Variants in LGSN observed in about 807,000 individuals in gnomAD.
LGSN encodes lengsin.
In LGSN, 21 loss-of-function variants were observed where a neutral mutation model predicts 19.5. The observed-to-expected ratio is 1.07, with a 90% CI of 0.76 to 1.55. The LOEUF (loss-of-function observed/expected upper bound fraction) is 1.55, where lower values mean the gene tolerates loss of function less well. Ranked by LOEUF, LGSN falls within the 40% of genes most tolerant of loss-of-function variation. LGSN has a pLI of 0.00. For missense variants in LGSN, 673 were observed against 608.5 expected, an observed-to-expected ratio of 1.11 and a Z score of -1.12; for synonymous variants, 257 against 215.6, an observed-to-expected ratio of 1.19 and a Z score of -1.68.
chr6:63,327,261 A>G, the LGSN span, among the ~76,000 whole-genome samples: 54 of 152,296 alleles, frequency 3.5e-4, no homozygotes, highest in South Asian at 6.2e-3. Flanking sequence ...CCTCGATTCT[A>G]GAGGAAACAA....
At chr6:63,469,154 A>G in the LGSN span, among the ~76,000 whole-genome samples, 12 of 152,170 alleles carry the variant, frequency 7.9e-5, no homozygotes, top group African/African-American at 2.2e-4. Context: ...CTTTGCCCCA[A>G]TAGTACTTTT....
chr6:63,444,078 A>G, the LGSN span, among the ~76,000 whole-genome samples: 3 of 152,188 alleles, frequency 2.0e-5, no homozygotes, highest in Non-Finnish European at 2.9e-5. Flanking sequence ...AGAATTTTTT[A>G]TCATCTAGAA....
At chr6:63,446,859 G>C in the LGSN span, among the ~76,000 whole-genome samples, 1 of 152,180 alleles carries the variant, frequency 6.6e-6, no homozygotes, top group East Asian at 1.9e-4. Context: ...AGACCAGCCT[G>C]CCCAACTTGG....
the LGSN span, among the ~76,000 whole-genome samples, chr6:63,485,023 TG>T: frequency 6.6e-6 from 1 of 152,204 alleles, no homozygotes; most frequent in African/African-American, 2.4e-5. Flanking sequence ...AGACACTATT[TG>T]TTTTTTTTAG....
At chr6:63,342,103 C>T in the LGSN span, among the ~76,000 whole-genome samples, 12 of 152,308 alleles carry the variant, frequency 7.9e-5, no homozygotes, top group East Asian at 2.1e-3. Context: ...ATGGGTCAAG[C>T]TACATCACCC....
chr6:63,498,749 G>A, the LGSN span, among the ~76,000 whole-genome samples: 3 of 152,068 alleles, frequency 2.0e-5, no homozygotes, highest in Non-Finnish European at 4.4e-5. Context: ...AGTTCATGTG[G>A]GTAGGGAATG....
intron 2 of LGSN, among the ~76,000 whole-genome samples, chr6:63,292,333 C>G (rs1452069633): frequency 6.6e-6 from 1 of 152,190 alleles, no homozygotes; most frequent in Non-Finnish European, 1.5e-5. Context: ...TTTCCAGGCT[C>G]TAGCTCTTCC....
chr6:63,554,491 T>C, the LGSN span, among the ~76,000 whole-genome samples: 8 of 152,180 alleles, frequency 5.3e-5, no homozygotes, highest in African/African-American at 1.9e-4. Context: ...TAGCACACAA[T>C]AAGGAACACC....
the LGSN span, among the ~76,000 whole-genome samples, chr6:63,412,767 G>C: frequency 1.4e-3 from 24 of 16,842 alleles, 1 homozygote; most frequent in Non-Finnish European, 3.1e-3. Flanking sequence ...AAGAAAGAAA[G>C]AAAGGAAGGA....
chr6:63,434,405 A>T, the LGSN span, among the ~76,000 whole-genome samples: 1 of 145,868 alleles, frequency 6.9e-6, no homozygotes. Context: ...GCACCACTGC[A>T]CTCTAGCCTA....
chr6:63,528,816 A>G, the LGSN span, among the ~76,000 whole-genome samples: 12 of 151,924 alleles, frequency 7.9e-5, no homozygotes, highest in Non-Finnish European at 1.8e-4. Context: ...CAGAGTATTT[A>G]TACTATAGAA....
At chr6:63,288,062 A>T (rs1023075537) in intron 2 of LGSN, among the ~76,000 whole-genome samples, 3 of 151,580 alleles carry the variant, frequency 2.0e-5, no homozygotes, top group East Asian at 2.0e-4. Flanking sequence ...AAATGTTTTT[A>T]AAAAAACTAG....
the LGSN span, among the ~76,000 whole-genome samples, chr6:63,462,883 T>A: frequency 3.9e-5 from 6 of 152,338 alleles, no homozygotes; most frequent in East Asian, 1.2e-3. Flanking sequence ...TTAATAAATA[T>A]GGATTTATGT....
At chr6:63,288,230 AAAATAAAT>A (rs561099445) in intron 2 of LGSN, among the ~76,000 whole-genome samples, 2,531 of 138,500 alleles carry the variant, frequency 0.018, 29 homozygotes, top group Non-Finnish European at 0.029. Flanking sequence ...CCATCTCAAA[AAAATAAAT>A]AAATAAATAA....
the LGSN span, among the ~76,000 whole-genome samples, chr6:63,329,830 G>T: frequency 5.3e-5 from 8 of 152,300 alleles, no homozygotes; most frequent in South Asian, 2.1e-4. Context: ...CATGTGAAAA[G>T]AGCAAAGTCT....
chr6:63,389,132 C>T, the LGSN span, among the ~76,000 whole-genome samples: 1 of 152,072 alleles, frequency 6.6e-6, no homozygotes, highest in African/African-American at 2.4e-5. Flanking sequence ...ATTATTGTCT[C>T]CACTTTGGAA....
the LGSN span, among the ~76,000 whole-genome samples, chr6:63,419,859 C>A: frequency 1.8e-5 from 2 of 112,168 alleles, no homozygotes; most frequent in Non-Finnish European, 3.4e-5. Flanking sequence ...CTAGCCTGGG[C>A]GTAAGAGCGA....
chr6:63,564,829 C>T, the LGSN span, among the ~76,000 whole-genome samples: 12 of 152,162 alleles, frequency 7.9e-5, no homozygotes, highest in Non-Finnish European at 1.5e-4. Context: ...GAAATTTCAC[C>T]AAATTTGCTA....
chr6:63,412,955 A>T, the LGSN span, among the ~76,000 whole-genome samples: 1 of 152,008 alleles, frequency 6.6e-6, no homozygotes, highest in East Asian at 1.9e-4. Flanking sequence ...AGAAGGAAAG[A>T]AAGAGAAAAG....
Sources: allele counts gnomAD v4.1 joint callset (sites outside exome capture counted in the v4.1 genomes callset), GRCh38; gene constraint gnomAD v4.1.1; transcripts MANE v1.5; gene names NCBI Gene and HGNC (gene_info 2026-07-23, HGNC 2026-07-21).